The following OXR1 variants were observed in gnomAD, a reference collection of about 807,000 sequenced individuals.
OXR1 encodes oxidation resistance 1.
A neutral mutation model predicts 104.6 loss-of-function variants in OXR1; 41 were observed. The observed-to-expected ratio is 0.39, with a 90% CI of 0.31 to 0.51. The LOEUF is 0.51. OXR1 is among the 20% of genes least tolerant of loss of function. The pLI is 0.77. For synonymous variants in OXR1, 348 were observed against 348.4 expected, an observed-to-expected ratio of 1.00 and a Z score of 0.01; for missense variants, 955 against 1,031.9, an observed-to-expected ratio of 0.93 and a Z score of 1.02.
At chr8:106,335,564 C>G (rs1293765425) in intron 1 of OXR1, among the ~76,000 whole-genome samples, 1 of 152,034 alleles carries the variant, frequency 6.6e-6, no homozygotes, top group Non-Finnish European at 1.5e-5. Context: ...TTTTATCCCT[C>G]TTTCAGCCCA....
intron 3 of OXR1, among the ~76,000 whole-genome samples, chr8:106,652,985 T>C (rs1487967441): frequency 6.7e-6 from 1 of 149,396 alleles, no homozygotes; most frequent in African/African-American, 2.5e-5. Flanking sequence ...AGGAATACTA[T>C]GAACAACAAA....
rs56344098 is a variant in OXR1, at chr8:106,752,197, T to C, written c.*1256T>C. ...AAATTTCAGCTATTCCAGATAAACA[T>C]TGTATATCTTGTAAATTAATGTTTA... On this transcript the variant is annotated 3_prime_UTR_variant, in exon 17 of 17. Transcript: ENST00000517566. The C allele has an allele frequency of 0.041, 5,524 of 134,082 alleles. 133 individuals are homozygous for C. Among genetic ancestry groups the C allele is most frequent in the Non-Finnish European group, 0.057 (3,619 of 63,734 alleles). 8.3% of individuals were successfully genotyped at this position (134,082 alleles called of 1,614,324 possible).
At chr8:106,524,068 C>T (rs1324440652) in intron 3 of OXR1, among the ~76,000 whole-genome samples, 1 of 152,096 alleles carries the variant, frequency 6.6e-6, no homozygotes, top group African/African-American at 2.4e-5. Flanking sequence ...GAACCACCAT[C>T]CCTGGCCTGG....
chr8:106,337,182 A>G (rs925109329), intron 1 of OXR1, among the ~76,000 whole-genome samples: 29 of 152,358 alleles, frequency 1.9e-4, no homozygotes, highest in African/African-American at 6.5e-4. Flanking sequence ...TATCTCTATC[A>G]TATGGCATAT....
intron 3 of OXR1, among the ~76,000 whole-genome samples, chr8:106,644,926 A>G (rs956772128): frequency 1.3e-5 from 2 of 152,230 alleles, no homozygotes; most frequent in African/African-American, 2.4e-5. Flanking sequence ...TTTTTTAAAA[A>G]GTTCCACAGC....
intron 1 of OXR1, among the ~76,000 whole-genome samples, chr8:106,309,798 GGT>G (rs1264405113): frequency 6.7e-6 from 1 of 149,936 alleles, no homozygotes; most frequent in Non-Finnish European, 1.5e-5. Context: ...AATATATAAA[GGT>G]ATATGTATAT....
chr8:106,739,209 A>G (rs1428532482), intron 12 of OXR1, among the ~76,000 whole-genome samples: 1 of 152,060 alleles, frequency 6.6e-6, no homozygotes, highest in Non-Finnish European at 1.5e-5. Flanking sequence ...ATGGGGATTT[A>G]TCATTCCTAC....
At chr8:106,643,390 C>G (rs1475923705) in intron 3 of OXR1, among the ~76,000 whole-genome samples, 1 of 152,004 alleles carries the variant, frequency 6.6e-6, no homozygotes, top group African/African-American at 2.4e-5. Context: ...TTGCTGTTCC[C>G]TGGTCTAGAA....
chr8:106,648,389 A>G (rs886108701), intron 3 of OXR1, among the ~76,000 whole-genome samples: 9 of 152,268 alleles, frequency 5.9e-5, no homozygotes, highest in African/African-American at 2.2e-4. Flanking sequence ...TTAAGAAAAT[A>G]TAAACATTAC....
chr8:106,736,163 A>C (rs1834347691), intron 11 of OXR1, among the ~76,000 whole-genome samples: 1 of 91,786 alleles, frequency 1.1e-5, no homozygotes. Context: ...GGTTTATCTG[A>C]CACCCCCCCC....
chr8:106,743,043 A>C (rs1203734340), intron 15 of OXR1, among the ~76,000 whole-genome samples: 1 of 152,188 alleles, frequency 6.6e-6, no homozygotes, highest in Admixed American at 6.5e-5. Context: ...CAATCTATCC[A>C]TCTGACAAAG....
At chr8:106,447,812 G>A in intron 2 of OXR1, 2 of 1,179,828 alleles carry the variant, frequency 1.7e-6, no homozygotes, top group South Asian at 3.6e-5. Context: ...TATTCTTTGG[G>A]TGATAACAGC....
At chr8:106,599,771 G>A (rs1184705225) in intron 3 of OXR1, among the ~76,000 whole-genome samples, 1 of 152,156 alleles carries the variant, frequency 6.6e-6, no homozygotes, top group East Asian at 1.9e-4. Flanking sequence ...AAACCTTAGA[G>A]CAGCAGTCCC....
intron 2 of OXR1, among the ~76,000 whole-genome samples, chr8:106,396,560 C>T (rs1181443113): frequency 6.6e-6 from 1 of 152,084 alleles, no homozygotes; most frequent in Non-Finnish European, 1.5e-5. Flanking sequence ...GAAACTCTCA[C>T]AGACCAGAGG....
intron 3 of OXR1, among the ~76,000 whole-genome samples, chr8:106,632,947 G>A (rs2130900778): frequency 6.8e-6 from 1 of 147,748 alleles, no homozygotes; most frequent in East Asian, 2.1e-4. Context: ...TCAAAAAACA[G>A]CCAACCGGCC....
intron 16 of OXR1, among the ~76,000 whole-genome samples, chr8:106,748,095 T>G (rs957048096): frequency 6.6e-6 from 1 of 152,232 alleles, no homozygotes; most frequent in African/African-American, 2.4e-5. Context: ...TTGTTGCCAG[T>G]AGAGTTAGAG....
intron 9 of OXR1, among the ~76,000 whole-genome samples, chr8:106,708,357 C>A (rs975417784): frequency 6.6e-6 from 1 of 152,114 alleles, no homozygotes; most frequent in Non-Finnish European, 1.5e-5. Context: ...CATGATCATG[C>A]CACTGCACTC....
chr8:106,629,164 G>C (rs1036822905), intron 3 of OXR1, among the ~76,000 whole-genome samples: 2 of 152,018 alleles, frequency 1.3e-5, no homozygotes, highest in African/African-American at 2.4e-5. Flanking sequence ...GAAAAGGTGT[G>C]CTTAGATAGT....
At chr8:106,685,697 A>T (rs1477797399) in intron 6 of OXR1, among the ~76,000 whole-genome samples, 1 of 124,912 alleles carries the variant, frequency 8.0e-6, no homozygotes, top group Admixed American at 8.2e-5. Flanking sequence ...GGGATAGATT[A>T]AAAAAAAAAA....
Sources: allele counts gnomAD v4.1 joint callset (sites outside exome capture counted in the v4.1 genomes callset), GRCh38; gene constraint gnomAD v4.1.1; transcripts MANE v1.5; gene names NCBI Gene and HGNC (gene_info 2026-07-23, HGNC 2026-07-21).